The following PLEKHG5 variants were observed in gnomAD, a reference collection of about 807,000 sequenced individuals.
PLEKHG5 encodes the protein pleckstrin homology domain-containing family G member 5.
Under a neutral mutation model 103.8 loss-of-function variants are expected in PLEKHG5, and 52 were observed. The observed-to-expected ratio is 0.50, with a 90% CI of 0.40 to 0.63. The LOEUF is 0.63. PLEKHG5 is among the 30% of genes least tolerant of loss of function. The pLI is 0.00. For missense variants in PLEKHG5, 1,205 were observed against 1,347.6 expected, an observed-to-expected ratio of 0.89 and a Z score of 1.66; for synonymous variants, 592 against 575.5, an observed-to-expected ratio of 1.03 and a Z score of -0.41.
chr1:6,483,500 C>A (rs888567806), intron 1 of PLEKHG5, among the ~76,000 whole-genome samples: 1 of 152,124 alleles, frequency 6.6e-6, no homozygotes, highest in African/African-American at 2.4e-5. Flanking sequence ...CCTGCCTCTA[C>A]AAAAAACAAA....
intron 2 of PLEKHG5, among the ~76,000 whole-genome samples, chr1:6,477,150 C>G (rs1204314093): frequency 1.3e-5 from 2 of 152,202 alleles, no homozygotes; most frequent in African/African-American, 4.8e-5. Flanking sequence ...TGGCCACCCC[C>G]ACTCCACACT....
chr1:6,512,645 A>T (rs1429191030), intron 1 of PLEKHG5, among the ~76,000 whole-genome samples: 3 of 152,150 alleles, frequency 2.0e-5, no homozygotes, highest in Non-Finnish European at 4.4e-5. Flanking sequence ...CACTGTTCTA[A>T]GCTCTGTCTC....
At chr1:6,504,662 C>A (rs1034802084) in intron 1 of PLEKHG5, among the ~76,000 whole-genome samples, 1 of 151,762 alleles carries the variant, frequency 6.6e-6, no homozygotes, top group African/African-American at 2.4e-5. Flanking sequence ...CTACACCTCC[C>A]GGGTTCACGC....
upstream of PLEKHG5, among the ~76,000 whole-genome samples, chr1:6,492,484 C>T (rs564321817): frequency 4.6e-5 from 7 of 152,268 alleles, no homozygotes; most frequent in African/African-American, 1.7e-4. Context: ...CCCAAACTCA[C>T]AGCTCCACCT....
rs771030645 is a variant in PLEKHG5, at chr1:6,471,526, G to C, written c.1243C>G (p.Leu415Val). ...TTGAGGAAGTCCCCGGGCTGTAGCAGCGCTCGCGTGCGCCGCGCCTTCTCC... is the reference window on the plus strand; with the variant it reads ...TTGAGGAAGTCCCCGGGCTGTAGCACCGCTCGCGTGCGCCGCGCCTTCTCC... ...VLEKARRTRA[L>V]LQPGDFLKGF... Residue 415 changes from leucine to valine, a missense_variant, in exon 12 of 21, where the codon CTG becomes GTG. By Grantham distance (32) the Leu-to-Val change is conservative. Transcript: ENST00000377728. The C allele has an allele frequency of 6.2e-7, 1 of 1,609,904 alleles. No homozygotes were observed. The highest frequency in any genetic ancestry group is 1.3e-5 in the African/African-American group (1 of 74,880).
intron 1 of PLEKHG5, among the ~76,000 whole-genome samples, chr1:6,483,485 G>C (rs1417392328): frequency 1.3e-5 from 2 of 152,176 alleles, no homozygotes; most frequent in African/African-American, 4.8e-5. Context: ...GCCACACAGT[G>C]AGATCCTGCC....
At position 6,474,033 on chromosome 1, in the gene PLEKHG5, G is replaced by A. The variant is rs183712624; in HGVS notation, c.571C>T (p.Arg191Trp). 64 of 1,346,866 alleles carry A rather than the reference G, an allele frequency of 4.8e-5. No homozygotes were observed. In the East Asian group the frequency reaches 7.5e-4, roughly 16 times the overall value. The allele number at this position is 1,346,866 out of a possible 1,614,324, so 83.4% of individuals were successfully genotyped here. Residue 191 changes from arginine (R) to tryptophan (W), a missense_variant, in exon 7 of 21, where the codon CGG becomes TGG. Transcript: ENST00000377728. ...CTCACCAAGATGTCCAGGCTCTCCCGGCGGCTCTGGGCGTCCACACGCTCC... is the reference window on the plus strand; with the variant it reads ...CTCACCAAGATGTCCAGGCTCTCCCAGCGGCTCTGGGCGTCCACACGCTCC... ...ALERVDAQSR[R>W]ESLDILAPGR...
intron 19 of PLEKHG5, 97 bp from the exon 20 acceptor site, chr1:6,468,683 C>T: frequency 1.5e-6 from 2 of 1,328,974 alleles, no homozygotes; most frequent in Non-Finnish European, 2.1e-6. Context: ...TACCCTCTGC[C>T]CTCCTGGGGC....
At chr1:6,478,630 TTTC>T (rs1241399845) in intron 1 of PLEKHG5, among the ~76,000 whole-genome samples, 3 of 152,186 alleles carry the variant, frequency 2.0e-5, no homozygotes, top group African/African-American at 7.2e-5. Context: ...TTTTAAAATA[TTTC>T]TTTTCTTTTT....
chr1:6,467,474 G>A lies in PLEKHG5; in HGVS notation c.*89C>T. 8.2e-7 allele frequency: 1 copy of A among 1,224,110 alleles called. No individual in the cohort carries two copies. Among genetic ancestry groups the A allele is most frequent in the South Asian group, 1.2e-5 (1 of 83,322 alleles). The allele number at this position is 1,224,110 out of a possible 1,614,324, so 75.8% of individuals were successfully genotyped here. Reference sequence around the variant, plus strand: ...AGCATCCGGCTCATGCATACAGGAGGCAGTAGCTGAAGCAGGTGCCGGCAC... The same window carrying A: ...AGCATCCGGCTCATGCATACAGGAGACAGTAGCTGAAGCAGGTGCCGGCAC... On this transcript the variant is annotated 3_prime_UTR_variant, in exon 21 of 21. Transcript: ENST00000377728.
At chr1:6,496,868 T>A (rs887206424), upstream of PLEKHG5, 5 of 943,432 alleles carry the variant, frequency 5.3e-6, no homozygotes, top group Non-Finnish European at 6.0e-6. Flanking sequence ...GAGCGCTCAG[T>A]GACCTTTTGG....
rs78137382 is a variant in PLEKHG5, at chr1:6,467,651, G to A, written c.3012-79C>T. 32,054 of 1,518,896 alleles carry A rather than the reference G, an allele frequency of 0.021. 423 individuals carry two copies. The highest frequency in any genetic ancestry group is 0.027 in the Middle Eastern group (161 of 5,898). 94.1% of individuals were successfully genotyped at this position (1,518,896 alleles called of 1,614,324 possible). A position where few individuals can be genotyped will look rare whatever the true frequency, so the allele number is the denominator to read the frequency against. The stretch of plus-strand genomic sequence containing the variant: ...GCTCTGGTCACCCTCTCTTCCCCAC[G>A]GCACTCCTCAGGCCCCTTCACTGCT... On this transcript the variant is annotated intron_variant, in intron 20 of 20. Coordinates refer to ENST00000377728, the MANE Select transcript of PLEKHG5 (RefSeq NM_020631.6).
At chr1:6,471,213 G>A (rs1338757798) in intron 12 of PLEKHG5, 113 bp from the exon 13 acceptor site, 1 of 897,736 alleles carries the variant, frequency 1.1e-6, no homozygotes, top group Non-Finnish European at 1.8e-6. Flanking sequence ...CCACCCCAAG[G>A]GGGCAGCAAG....
intron 1 of PLEKHG5, among the ~76,000 whole-genome samples, chr1:6,514,903 A>T (rs1638573517): frequency 6.7e-6 from 1 of 149,378 alleles, no homozygotes; most frequent in Non-Finnish European, 1.5e-5. Context: ...CCCCAACTCT[A>T]TTAAAAATAC....
At chr1:6,512,308 C>G (rs1304956250) in intron 1 of PLEKHG5, among the ~76,000 whole-genome samples, 1 of 152,246 alleles carries the variant, frequency 6.6e-6, no homozygotes, top group East Asian at 1.9e-4. Flanking sequence ...CTGCTCAGCA[C>G]TGTTCAAGCC....
intron 1 of PLEKHG5, among the ~76,000 whole-genome samples, chr1:6,513,078 T>A (rs1021870390): frequency 6.6e-6 from 1 of 152,344 alleles, no homozygotes; most frequent in Admixed American, 6.5e-5. Context: ...GTGGAATCGG[T>A]AGCTCCTCTC....
upstream of PLEKHG5, among the ~76,000 whole-genome samples, chr1:6,496,137 A>C (rs563517244): frequency 2.0e-5 from 3 of 152,198 alleles, no homozygotes; most frequent in Non-Finnish European, 4.4e-5. Flanking sequence ...TGGGCACTGG[A>C]CCAGCACCGT....
Position 6,512,306 on chromosome 1 carries a change from C to T in PLEKHG5, c.-165+7139G>A, listed in dbSNP as rs138568243. Among the ~76,000 whole-genome samples, 1,095 of 152,334 alleles carry T rather than the reference C, an allele frequency of 7.2e-3. 15 individuals are homozygous for T. Among genetic ancestry groups the T allele is most frequent in the Middle Eastern group, 0.034 (10 of 294 alleles). On this transcript the variant is annotated intron_variant, in intron 1 of 21. Transcript: ENST00000377740. ...CGAGCGAGTTGTCCTTCCTGCTCAG[C>T]ACTGTTCAAGCCCTGAGGCCACGTG... is the stretch of plus-strand genomic sequence containing the variant.
chr1:6,490,708 G>C lies in PLEKHG5; in HGVS notation c.-88+929C>G. On this transcript the variant is annotated intron_variant, in intron 1 of 20. Transcript: ENST00000377728. The surrounding 1 kb of genome is among the most constrained non-coding windows in gnomAD (Gnocchi z 8.0). ...GGGGTCCCAGGAAGGGCCCCGCGCC[G>C]GAGCCAGGGAGGTGGCTGGAGGCCG... 1 of 620,628 alleles carries C rather than the reference G, an allele frequency of 1.6e-6. No homozygotes were observed. The highest frequency in any genetic ancestry group is 2.0e-6 in the Non-Finnish European group (1 of 497,082). 38.4% of individuals were successfully genotyped at this position (620,628 alleles called of 1,614,324 possible). A position where few individuals can be genotyped will look rare whatever the true frequency, so the allele number is the denominator to read the frequency against.
Sources: allele counts gnomAD v4.1 joint callset (sites outside exome capture counted in the v4.1 genomes callset), GRCh38; gene constraint gnomAD v4.1.1; non-coding constraint Gnocchi (gnomAD v3.1); transcripts MANE v1.5; gene names NCBI Gene and HGNC (gene_info 2026-07-23, HGNC 2026-07-21).